The following NEK11 variants were observed in gnomAD, a reference collection of about 807,000 sequenced individuals.
NEK11 encodes the protein NIMA related kinase 11, also known as serine/threonine-protein kinase Nek11.
A neutral mutation model predicts 80.7 loss-of-function variants in NEK11; 72 were observed. The observed-to-expected ratio is 0.89, with a 90% confidence interval of 0.74 to 1.08. NEK11 has a LOEUF of 1.08. NEK11 is among the 50% of genes least tolerant of loss of function. NEK11 has a pLI of 0.00. For missense variants in NEK11, 764 were observed against 763.6 expected, an observed-to-expected ratio of 1.00 and a Z score of -0.01; for synonymous variants, 251 against 260.7, an observed-to-expected ratio of 0.96 and a Z score of 0.36.
chr3:131,115,974 CTTTCTTTCTTTCTTTA>C (rs1560477730), intron 5 of NEK11, among the ~76,000 whole-genome samples: 6 of 127,612 alleles, frequency 4.7e-5, no homozygotes, highest in East Asian at 4.7e-4. Context: ...TTCTTTCTTT[CTTTCTTTCTTTCTTTA>C]TTATACTTTA....
At chr3:131,289,148 C>T (rs1016844815) in intron 17 of NEK11, among the ~76,000 whole-genome samples, 1 of 152,188 alleles carries the variant, frequency 6.6e-6, no homozygotes, top group African/African-American at 2.4e-5. Context: ...CTCCTCAGGG[C>T]TCTCTCCTTA....
intron 17 of NEK11, among the ~76,000 whole-genome samples, chr3:131,277,217 C>G (rs978645844): frequency 2.2e-4 from 33 of 152,274 alleles, no homozygotes; most frequent in African/African-American, 7.0e-4. Context: ...CAGTTATCAC[C>G]CATGACCAAT....
At chr3:131,049,046 G>A (rs150440366) in intron 3 of NEK11, among the ~76,000 whole-genome samples, 1 of 152,320 alleles carries the variant, frequency 6.6e-6, no homozygotes, top group Non-Finnish European at 1.5e-5. Context: ...CCTAAGGCTT[G>A]AACTAGTATA....
intron 17 of NEK11, among the ~76,000 whole-genome samples, chr3:131,298,296 A>G (rs914326189): frequency 3.3e-5 from 5 of 152,220 alleles, no homozygotes; most frequent in African/African-American, 1.2e-4. Context: ...CCTACCCATG[A>G]GCATGGAATG....
intron 17 of NEK11, among the ~76,000 whole-genome samples, chr3:131,335,703 G>A (rs902907760): frequency 1.3e-5 from 2 of 152,146 alleles, no homozygotes; most frequent in Admixed American, 6.5e-5. Context: ...TGACATGATT[G>A]TATATCTAGA....
chr3:131,070,696 T>G (rs573931493), intron 3 of NEK11, among the ~76,000 whole-genome samples: 22 of 152,292 alleles, frequency 1.4e-4, no homozygotes, highest in African/African-American at 5.3e-4. Context: ...TTTTGTTCTT[T>G]GAAAAATGAA....
rs530073566 is a variant in NEK11, at chr3:131,217,089, C to T, written c.1400-11439C>T. The stretch of plus-strand genomic sequence containing the variant: ...CTGCTGTCACCGGGAACTAGGACAC[C>T]GTGAACACAGTGTTCGAGGCCCAGC... On this transcript the variant is annotated intron_variant, in intron 14 of 17. Coordinates refer to ENST00000383366, the MANE Select transcript of NEK11 (RefSeq NM_024800.5). Among the ~76,000 whole-genome samples the T allele has an allele frequency of 3.3e-5, 5 of 152,194 alleles. No individual in the cohort carries two copies. The South Asian group carries it at 8.3e-4, about 25-fold the overall frequency.
chr3:131,103,843 A>G (rs2078764040), intron 4 of NEK11, among the ~76,000 whole-genome samples: 1 of 152,036 alleles, frequency 6.6e-6, no homozygotes, highest in Non-Finnish European at 1.5e-5. Context: ...GTGCCTTAGT[A>G]CTCCTAGGCT....
At chr3:131,074,449 A>T (rs934583007) in intron 3 of NEK11, among the ~76,000 whole-genome samples, 7 of 152,134 alleles carry the variant, frequency 4.6e-5, no homozygotes, top group Non-Finnish European at 8.8e-5. Context: ...ACATTCCATA[A>T]TGTATAGTGT....
intron 7 of NEK11, among the ~76,000 whole-genome samples, chr3:131,142,632 AC>A (rs1299615476): frequency 1.3e-5 from 2 of 152,126 alleles, no homozygotes; most frequent in African/African-American, 2.4e-5. Flanking sequence ...CTACCTCCCT[AC>A]CCCAACTCCA....
At chr3:131,086,207 A>G (rs966766761) in intron 4 of NEK11, among the ~76,000 whole-genome samples, 9 of 152,132 alleles carry the variant, frequency 5.9e-5, no homozygotes, top group African/African-American at 2.2e-4. Flanking sequence ...AAATTGATAA[A>G]TATCCTGGGT....
At chr3:131,277,728 C>A (rs11925309) in intron 17 of NEK11, among the ~76,000 whole-genome samples, 55 of 152,292 alleles carry the variant, frequency 3.6e-4, no homozygotes, top group African/African-American at 1.3e-3. Flanking sequence ...ATGCAGGGGG[C>A]AAGCTGCTGG....
chr3:131,161,631 T>C lies in NEK11; in HGVS notation c.963-777T>C, dbSNP rs924336656. ...TCACTTATAAGTGGGAGCTAAATGA[T>C]GAGAACACATGGACACATAGAGGGG... On this transcript the variant is annotated intron_variant, in intron 10 of 17. Coordinates refer to ENST00000383366, the MANE Select transcript of NEK11 (RefSeq NM_024800.5). 5.3e-5 allele frequency among the ~76,000 whole-genome samples: 8 copies of C among 152,196 alleles called. No homozygotes were observed. In the East Asian group the frequency reaches 1.5e-3, roughly 29 times the overall value.
intron 7 of NEK11, among the ~76,000 whole-genome samples, chr3:131,147,615 C>A (rs1201831601): frequency 6.6e-6 from 1 of 151,944 alleles, no homozygotes; most frequent in Non-Finnish European, 1.5e-5. Flanking sequence ...TCAGTTCCTG[C>A]CAAAATGTCT....
chr3:131,349,435 TCCC>T, intron 17 of NEK11, 119 bp from the exon 18 acceptor site: 1 of 785,468 alleles, frequency 1.3e-6, no homozygotes, highest in East Asian at 2.6e-5. Flanking sequence ...TGCCTTTTCT[TCCC>T]CCTTTTTTTC....
intron 16 of NEK11, among the ~76,000 whole-genome samples, chr3:131,266,402 G>A (rs529937714): frequency 3.8e-4 from 58 of 152,242 alleles, no homozygotes; most frequent in Admixed American, 2.5e-3. Flanking sequence ...ATTCTGGTAC[G>A]TTGTGTCTTT....
chr3:131,305,194 C>G (rs554718383), intron 17 of NEK11, among the ~76,000 whole-genome samples: 24 of 151,984 alleles, frequency 1.6e-4, no homozygotes, highest in Non-Finnish European at 2.6e-4. Flanking sequence ...TCTACACATG[C>G]ATGGCAGCCA....
intron 17 of NEK11, among the ~76,000 whole-genome samples, chr3:131,309,986 TTAAAAAA>T (rs2096762279): frequency 1.6e-5 from 1 of 60,886 alleles, no homozygotes; most frequent in African/African-American, 7.3e-5. Context: ...GAGACCATGT[TTAAAAAA>T]AAAAAAAAAA....
Position 131,350,136 on chromosome 3 carries a change from A to G in NEK11, c.*360A>G, listed in dbSNP as rs541177737. The stretch of plus-strand genomic sequence containing the variant: ...TATTTTCAGCTGGAGGACAGAGCTC[A>G]GTGCCTGACTGCCTAGGGTCTCATG... On this transcript the variant is annotated 3_prime_UTR_variant, in exon 18 of 18. Transcript: ENST00000383366. The G allele has an allele frequency of 4.4e-6, 1 of 225,880 alleles. No individual in the cohort carries two copies. The highest frequency in any genetic ancestry group is 1.2e-4 in the East Asian group (1 of 8,340). The allele number at this position is 225,880 out of a possible 1,614,324, so 14.0% of individuals were successfully genotyped here. A position where few individuals can be genotyped will look rare whatever the true frequency, so the allele number is the denominator to read the frequency against.
Sources: allele counts gnomAD v4.1 joint callset (sites outside exome capture counted in the v4.1 genomes callset), GRCh38; gene constraint gnomAD v4.1.1; transcripts MANE v1.5; gene names NCBI Gene and HGNC (gene_info 2026-07-23, HGNC 2026-07-21).